The following TGFBR1 variants were observed in gnomAD, a reference collection of about 807,000 sequenced individuals.
TGFBR1 encodes the protein TGF-beta receptor type-1.
In TGFBR1, 20 loss-of-function variants were observed where a neutral mutation model predicts 55.1. That is an observed-to-expected ratio of 0.36 (90% CI 0.26 to 0.53). The LOEUF (loss-of-function observed/expected upper bound fraction) is 0.53, where lower values mean the gene tolerates loss of function less well. Among genes scored for constraint, TGFBR1 ranks in the 20% least tolerant of loss-of-function variants. The probability of loss-of-function intolerance (pLI) is 0.91; values close to 1 mark genes in which losing one functional copy is unlikely to be tolerated. For missense variants in TGFBR1, 385 were observed against 617.6 expected (o/e 0.62, Z 3.99); for synonymous variants, 220 against 214.8 (o/e 1.02, Z -0.21).
upstream of TGFBR1, chr9:99,105,105 G>T: frequency 2.1e-6 from 2 of 946,128 alleles, no homozygotes; most frequent in Non-Finnish European, 2.6e-6. Context: ...CCGGAGCGAG[G>T]CCGCCGCGGC....
At chr9:99,130,052 T>G (rs967704296) in intron 2 of TGFBR1, among the ~76,000 whole-genome samples, 4 of 152,164 alleles carry the variant, frequency 2.6e-5, no homozygotes, top group African/African-American at 9.7e-5. Flanking sequence ...CCCAAAGGAA[T>G]ATAAAAATGA....
intron 2 of TGFBR1, among the ~76,000 whole-genome samples, chr9:99,131,127 CAT>C (rs1357481845): frequency 1.3e-5 from 2 of 151,492 alleles, no homozygotes; most frequent in Non-Finnish European, 2.9e-5. Flanking sequence ...AATCCAAACA[CAT>C]ATAATAAAAA....
intron 1 of TGFBR1, among the ~76,000 whole-genome samples, chr9:99,123,840 A>C (rs1315099151): frequency 7.9e-5 from 12 of 152,186 alleles, no homozygotes; most frequent in Admixed American, 7.9e-4. Flanking sequence ...CATTGGCACA[A>C]TGCCATTTAT....
intron 1 of TGFBR1, among the ~76,000 whole-genome samples, chr9:99,128,475 T>TAAAA (rs66612011): frequency 1.9e-3 from 198 of 104,026 alleles, no homozygotes; most frequent in African/African-American, 6.2e-3. Flanking sequence ...TTGGGCCTGG[T>TAAAA]AAAAAAAAAA....
chr9:99,135,492 C>T (rs1827406206), intron 3 of TGFBR1, among the ~76,000 whole-genome samples: 1 of 152,188 alleles, frequency 6.6e-6, no homozygotes, highest in African/African-American at 2.4e-5. Context: ...TAAGGAAAGG[C>T]CCTGTCTCTA....
intron 2 of TGFBR1, among the ~76,000 whole-genome samples, chr9:99,131,826 G>C (rs1012456344): frequency 1.3e-5 from 2 of 152,056 alleles, no homozygotes; most frequent in Non-Finnish European, 2.9e-5. Context: ...AAATTAGCCA[G>C]GTGTGGTGGC....
chr9:99,124,182 T>G (rs1244875541), intron 1 of TGFBR1, among the ~76,000 whole-genome samples: 1 of 152,138 alleles, frequency 6.6e-6, no homozygotes, highest in African/African-American at 2.4e-5. Flanking sequence ...CTTGATAATC[T>G]CTTCTACCGC....
chr9:99,119,887 C>G (rs1422488191), intron 1 of TGFBR1, among the ~76,000 whole-genome samples: 2 of 152,176 alleles, frequency 1.3e-5, no homozygotes, highest in African/African-American at 4.8e-5. Flanking sequence ...ATATTGTGTT[C>G]TGTGTCAGTA....
rs772324783 is a variant in TGFBR1, at chr9:99,129,024, T to G, written c.267T>G (p.Ser89=). ...PRDRPFVCAP[S]SKTGSVTTTY... is the part of the protein sequence containing the mutation. ...ATAGGCCGTTTGTATGTGCACCCTC[T>G]TCAAAAACTGGGTCTGTGACTACAA... Residue 89 remains serine, a synonymous_variant, in exon 2 of 9, where the codon TCT becomes TCG. Coordinates refer to ENST00000374994, the MANE Select transcript of TGFBR1 (RefSeq NM_004612.4). 6.2e-7 allele frequency: 1 copy of G among 1,613,942 alleles called. No homozygotes were observed.
At chr9:99,122,215 A>G (rs1023519862) in intron 1 of TGFBR1, among the ~76,000 whole-genome samples, 1 of 152,056 alleles carries the variant, frequency 6.6e-6, no homozygotes, top group African/African-American at 2.4e-5. Context: ...GCGTATGCAT[A>G]AAAAGACTAC....
intron 6 of TGFBR1, among the ~76,000 whole-genome samples, chr9:99,145,227 A>G (rs1489731657): frequency 6.6e-6 from 1 of 152,228 alleles, no homozygotes; most frequent in African/African-American, 2.4e-5. Context: ...AATACTGTGC[A>G]GTAGCTAGCC....
chr9:99,109,386 TTG>T (rs1407136635), intron 1 of TGFBR1, among the ~76,000 whole-genome samples: 1 of 152,126 alleles, frequency 6.6e-6, no homozygotes, highest in Admixed American at 6.5e-5. Flanking sequence ...ATCCGCTTTG[TTG>T]TTGAAATTAA....
chr9:99,138,036 CTG>C lies in TGFBR1; in HGVS notation c.754_755del (p.Val252AsnfsTer5). On this transcript the variant is annotated frameshift_variant, in exon 4 of 9. Transcript: ENST00000374994. LOFTEE classifies it high-confidence loss of function. ...TTCCGTGAGGCAGAGATTTATCAAA[CTG>C]TAATGTTACGTCATGAAAACATCCT... 1 of 1,614,040 alleles carries C rather than the reference CTG, an allele frequency of 6.2e-7. No homozygotes were observed. The highest frequency in any genetic ancestry group is 8.5e-7 in the Non-Finnish European group (1 of 1,179,956).
At chr9:99,111,497 C>T (rs1388673419) in intron 1 of TGFBR1, among the ~76,000 whole-genome samples, 1 of 151,806 alleles carries the variant, frequency 6.6e-6, no homozygotes, top group Non-Finnish European at 1.5e-5. Flanking sequence ...GACGTAGTGG[C>T]AGGCACCTGT....
chr9:99,131,748 C>T (rs922540474), intron 2 of TGFBR1, among the ~76,000 whole-genome samples: 6 of 152,020 alleles, frequency 3.9e-5, no homozygotes, highest in Admixed American at 2.6e-4. Context: ...GTAGGTGGAT[C>T]ACTTGAGGTT....
At chr9:99,131,733 C>T (rs554093357) in intron 2 of TGFBR1, among the ~76,000 whole-genome samples, 6 of 152,082 alleles carry the variant, frequency 3.9e-5, no homozygotes, top group African/African-American at 1.4e-4. Context: ...CTTTGGGAAG[C>T]CAAGGTAGGT....
intron 4 of TGFBR1, among the ~76,000 whole-genome samples, chr9:99,142,121 A>C (rs1472054266): frequency 6.6e-6 from 1 of 151,868 alleles, no homozygotes; most frequent in Non-Finnish European, 1.5e-5. Context: ...GTCTCCGGAG[A>C]CTTCTCACCT....
intron 1 of TGFBR1, among the ~76,000 whole-genome samples, chr9:99,105,605 G>A (rs1268178042): frequency 1.3e-5 from 2 of 151,774 alleles, no homozygotes; most frequent in Non-Finnish European, 2.9e-5. Flanking sequence ...GAGGTCCGGG[G>A]CTGCCCTCTG....
intron 3 of TGFBR1, among the ~76,000 whole-genome samples, chr9:99,135,138 C>T (rs1304851467): frequency 3.3e-5 from 5 of 152,012 alleles, no homozygotes; most frequent in African/African-American, 4.8e-5. Flanking sequence ...TTATTGAAAA[C>T]ATACTTGGAG....
Sources: gnomAD v4.1 joint callset for allele counts (sites outside exome capture counted in the v4.1 genomes callset) on GRCh38, gnomAD v4.1.1 for gene constraint, MANE v1.5 for transcripts, NCBI Gene and HGNC (gene_info 2026-07-23, HGNC 2026-07-21) for gene names.